RAPGEF2: variants seen among roughly 807,000 people sequenced by gnomAD.
RAPGEF2 encodes Rap guanine nucleotide exchange factor 2, also known as PDZ domain containing guanine nucleotide exchange factor (GEF) 1.
Under a neutral mutation model 186.7 loss-of-function variants are expected in RAPGEF2, and 54 were observed. The observed-to-expected ratio is 0.29, with a 90% CI of 0.23 to 0.36. The LOEUF (loss-of-function observed/expected upper bound fraction) is 0.36. RAPGEF2 is among the 10% of genes least tolerant of loss of function. RAPGEF2 has a pLI of 1.00. For synonymous variants in RAPGEF2, 712 were observed against 705.9 expected (o/e 1.01, Z -0.14); for missense variants, 1,532 against 2,045.0 (o/e 0.75, Z 4.84).
rs116156567 is a variant in RAPGEF2 at position 159,172,379 on chromosome 4, A to G, written c.70-14263A>G. On this transcript the variant is annotated intron_variant, in intron 1 of 29. Transcript: ENST00000691494. The stretch of plus-strand genomic sequence containing the variant: ...ATGTGAAGTTGGGAACCGTTCTCCT[A>G]CCTTCCCTATTCATGTTCCTTTCTG... 9.4e-3 allele frequency among the ~76,000 whole-genome samples: 1,429 copies of G among 152,190 alleles called. 27 individuals carry two copies. The highest frequency in any genetic ancestry group is 0.032 in the African/African-American group (1,320 of 41,518).
In RAPGEF2 at chr4:159,140,373, C is replaced by T. The variant is rs192513366; in HGVS notation, c.69+36142C>T. Among the ~76,000 whole-genome samples, 3 of 152,254 alleles carry T rather than the reference C, an allele frequency of 2.0e-5. No individual in the cohort carries two copies. The East Asian group carries it at 5.8e-4, about 29-fold the overall frequency. ...CCCTCCTGGGAATCAAGCAAATAAA[C>T]AGCAAATGAACCTGAACTTACCTTT... On this transcript the variant is annotated intron_variant, in intron 1 of 29. Transcript: ENST00000691494.
chr4:159,207,292 TG>T (rs1220599506), intron 3 of RAPGEF2, among the ~76,000 whole-genome samples: 4 of 152,122 alleles, frequency 2.6e-5, no homozygotes, highest in Non-Finnish European at 4.4e-5. Context: ...AATCGACGGG[TG>T]GTAAGGATGC....
intron 7 of RAPGEF2, among the ~76,000 whole-genome samples, chr4:159,266,421 C>T (rs1353086121): frequency 6.6e-6 from 1 of 152,156 alleles, no homozygotes; most frequent in African/African-American, 2.4e-5. Flanking sequence ...TTGTGAAAAG[C>T]TGACAGTGTT....
chr4:159,331,051 A>G (rs1183837745), intron 13 of RAPGEF2, among the ~76,000 whole-genome samples: 1 of 152,146 alleles, frequency 6.6e-6, no homozygotes, highest in Non-Finnish European at 1.5e-5. Flanking sequence ...GCTTAATAGC[A>G]TTGATTCTCT....
intron 7 of RAPGEF2, among the ~76,000 whole-genome samples, chr4:159,278,165 T>A (rs766240774): frequency 1.3e-5 from 2 of 152,160 alleles, no homozygotes; most frequent in Non-Finnish European, 2.9e-5. Context: ...CTACATATGG[T>A]TAGCCAGTTT....
At chr4:159,154,136 A>G (rs1044435184) in intron 1 of RAPGEF2, among the ~76,000 whole-genome samples, 4 of 152,194 alleles carry the variant, frequency 2.6e-5, no homozygotes, top group Admixed American at 2.6e-4. Context: ...TTATGATTCT[A>G]TAACCATTAA....
chr4:159,256,751 G>A (rs1756214089), intron 7 of RAPGEF2, among the ~76,000 whole-genome samples: 1 of 152,172 alleles, frequency 6.6e-6, no homozygotes, highest in Non-Finnish European at 1.5e-5. Flanking sequence ...ATTGGTGTGA[G>A]ATGGTATCTC....
At chr4:159,347,168 A>G (rs749949684) in intron 25 of RAPGEF2, among the ~76,000 whole-genome samples, 170 bp downstream of exon 25, 3 of 152,236 alleles carry the variant, frequency 2.0e-5, no homozygotes, top group Non-Finnish European at 2.9e-5. Context: ...GACTTTGCCA[A>G]TGGAAGGGGT....
chr4:159,241,355 G>C lies in RAPGEF2; in HGVS notation c.512G>C (p.Arg171Thr). ...PYPMGKPPLP[R>T]GYHTECTKSQ... is the part of the protein sequence containing the mutation. ...CCCATGGGCAAACCTCCTTTGCCTA[G>C]AGGCTATCACACGGTAAGTTATACA... is the stretch of plus-strand genomic sequence containing the variant. The change falls in exon 6 of 30, where the codon AGA (arginine) becomes ACA (threonine). Residue 171 changes from arginine (R) to threonine (T), a missense_variant. Arg to Thr is a moderately conservative substitution (Grantham distance 71, BLOSUM62 -1). Transcript: ENST00000691494. 2 of 1,493,508 alleles carry C rather than the reference G, an allele frequency of 1.3e-6. No individual in the cohort carries two copies. The highest frequency in any genetic ancestry group is 1.8e-6 in the Non-Finnish European group (2 of 1,123,076). The allele number at this position is 1,493,508 out of a possible 1,614,324, so 92.5% of individuals were successfully genotyped here. A position where few individuals can be genotyped will look rare whatever the true frequency, so the allele number is the denominator to read the frequency against.
chr4:159,198,286 CTTTCTTTCTTTCTTTCTTTCT>C (rs1457802968), intron 3 of RAPGEF2, among the ~76,000 whole-genome samples: 1 of 20,050 alleles, frequency 5.0e-5, no homozygotes, highest in Non-Finnish European at 1.1e-4. Flanking sequence ...TTCTTTCTTT[CTTTCTTTCTTTCTTTCTTTCT>C]TTCTTTCTTT....
chr4:159,209,425 CT>C (rs1262837108), intron 3 of RAPGEF2, among the ~76,000 whole-genome samples: 1 of 152,214 alleles, frequency 6.6e-6, no homozygotes, highest in African/African-American at 2.4e-5. Flanking sequence ...AGCCCATGGC[CT>C]TTGCACTCAC....
intron 7 of RAPGEF2, among the ~76,000 whole-genome samples, chr4:159,252,390 A>G (rs1755566258): frequency 2.6e-5 from 4 of 152,188 alleles, no homozygotes; most frequent in Admixed American, 2.0e-4. Context: ...AAATGTTTCA[A>G]TCATCAGGAC....
chr4:159,277,003 CAT>C (rs1758979457), intron 7 of RAPGEF2, among the ~76,000 whole-genome samples: 1 of 152,068 alleles, frequency 6.6e-6, no homozygotes, highest in East Asian at 1.9e-4. Context: ...ATACATGTGT[CAT>C]ATTGGTGTGC....
intron 17 of RAPGEF2, among the ~76,000 whole-genome samples, chr4:159,335,360 G>C (rs908835971): frequency 2.6e-5 from 4 of 152,146 alleles, no homozygotes; most frequent in African/African-American, 7.2e-5. Flanking sequence ...CAGTAACAAG[G>C]AAAGTGTTGG....
At chr4:159,249,288 T>C (rs1452892242) in intron 7 of RAPGEF2, among the ~76,000 whole-genome samples, 6 of 113,996 alleles carry the variant, frequency 5.3e-5, no homozygotes, top group Non-Finnish European at 1.1e-4. Flanking sequence ...AAAGTCTCTT[T>C]TTTTTTTTTT....
At chr4:159,191,737 C>T (rs1048510542) in intron 2 of RAPGEF2, among the ~76,000 whole-genome samples, 1 of 151,766 alleles carries the variant, frequency 6.6e-6, no homozygotes, top group Non-Finnish European at 1.5e-5. Flanking sequence ...GACTCCATCT[C>T]AAAATAATAA....
chr4:159,342,946 G>T (rs371704422), intron 20 of RAPGEF2, 33 bp from the exon 21 acceptor site: 19 of 1,577,202 alleles, frequency 1.2e-5, no homozygotes, highest in Non-Finnish European at 1.7e-5. Context: ...TTTTACTTTA[G>T]TTGTTATACC....
At chr4:159,342,711 A>ACAT (rs1283985432) in intron 20 of RAPGEF2, among the ~76,000 whole-genome samples, 2 of 151,790 alleles carry the variant, frequency 1.3e-5, no homozygotes, top group East Asian at 3.9e-4. Context: ...GAAACAAAGC[A>ACAT]TCAATACTTA....
At chr4:159,303,457 A>T (rs1762916048) in intron 7 of RAPGEF2, among the ~76,000 whole-genome samples, 1 of 152,148 alleles carries the variant, frequency 6.6e-6, no homozygotes, top group East Asian at 1.9e-4. Flanking sequence ...TTTCATTATT[A>T]GCTCAATAGT....
Sources: allele counts gnomAD v4.1 joint callset (sites outside exome capture counted in the v4.1 genomes callset), GRCh38; gene constraint gnomAD v4.1.1; transcripts MANE v1.5; gene names NCBI Gene and HGNC (gene_info 2026-07-23, HGNC 2026-07-21).